Variants in NBPF10 observed in about 807,000 individuals in gnomAD.
The protein encoded by NBPF10 is NBPF member 10, also known as NBPF family member NBPF10.
Under a neutral mutation model 77.9 loss-of-function variants are expected in NBPF10, and 63 were observed. That is an observed-to-expected ratio of 0.81 (90% CI 0.66 to 1.00). The LOEUF (loss-of-function observed/expected upper bound fraction) is 1.00, where lower values mean the gene tolerates loss of function less well. Among genes scored for constraint, NBPF10 ranks in the 50% least tolerant of loss-of-function variants. The pLI is 0.00. For synonymous variants in NBPF10, 146 were observed against 264.5 expected (o/e 0.55, Z 4.35); for missense variants, 522 against 679.8 (o/e 0.77, Z 2.58).
At chr1:146,126,110 A>G (rs1482940646) in intron 14 of NBPF10, 126 bp downstream of exon 14, 2 of 707,544 alleles carry the variant, frequency 2.8e-6, no homozygotes, top group South Asian at 1.6e-5. Flanking sequence ...TTCAACCTAC[A>G]TGTGCCTATA....
rs781978556 is a variant in NBPF10 at position 146,069,637 on chromosome 1, T to A, written c.10716A>T (p.Ser3572=). Residue 3572 remains serine (S), a synonymous_variant, in exon 86 of 90, where the codon TCA becomes TCT. Coordinates refer to ENST00000583866, the Ensembl canonical transcript of NBPF10. ...ATGAGTCACACAGTTCAAGACAACCTGAAGGAGTTGAATAACATCTATCCA... is the reference window on the plus strand; with the variant it reads ...ATGAGTCACACAGTTCAAGACAACCAGAAGGAGTTGAATAACATCTATCCA... The A allele has an allele frequency of 3.7e-5, 58 of 1,553,422 alleles. No homozygotes were observed. The South Asian group carries it at 5.9e-4, about 16-fold the overall frequency.
intron 88 of NBPF10, 151 bp from the exon 89 acceptor site, chr1:146,067,439 G>T (rs1306646004): frequency 2.7e-6 from 1 of 369,312 alleles, no homozygotes; most frequent in Admixed American, 4.8e-5. Flanking sequence ...CTGAAGGCTG[G>T]TCATGATAGA....
chr1:146,139,265 ATTT>A (rs10533520), intron 5 of NBPF10, among the ~76,000 whole-genome samples: 34 of 139,940 alleles, frequency 2.4e-4, no homozygotes, highest in African/African-American at 7.5e-4. Context: ...ACGCCCAGCT[ATTT>A]TTTTTTTTTT....
At chr1:146,125,845 C>A (rs587628458) in intron 14 of NBPF10, among the ~76,000 whole-genome samples, 9 of 150,558 alleles carry the variant, frequency 6.0e-5, no homozygotes, top group African/African-American at 1.2e-4. Flanking sequence ...CTGCACTATT[C>A]AGCCCTGTCT....
rs782535792 is a variant in NBPF10 at position 146,135,412 on chromosome 1, G to A, written c.1201C>T (p.Leu401Phe). The A allele has an allele frequency of 9.2e-6, 12 of 1,302,206 alleles. 2 individuals are homozygous for A. The African/African-American group carries it at 9.4e-5, about 10-fold the overall frequency. 80.7% of individuals were successfully genotyped at this position (1,302,206 alleles called of 1,614,324 possible). Residue 401 changes from leucine to phenylalanine, a missense_variant, in exon 8 of 90, where the codon CTC becomes TTC. Transcript: ENST00000583866. Reference sequence around the variant, plus strand: ...TTGTCCGGCTCATACGGAGTGAGGAGGGCCTGGAGATGCTCATTCAATGAG... The same window carrying A: ...TTGTCCGGCTCATACGGAGTGAGGAAGGCCTGGAGATGCTCATTCAATGAG...
exon 86 of NBPF10, chr1:146,069,589 A>G: frequency 6.7e-7 from 1 of 1,501,308 alleles, no homozygotes; most frequent in South Asian, 1.1e-5. Context: ...CCAATACATA[A>G]AAGGCACTTC....
At chr1:146,067,890 C>A (rs1301112776) in intron 88 of NBPF10, 113 bp downstream of exon 88, 8 of 699,030 alleles carry the variant, frequency 1.1e-5, no homozygotes, top group South Asian at 6.0e-5. Context: ...GCCCATAGGT[C>A]CTGCCTGCGG....
chr1:146,091,637 CTCA>C lies in NBPF10; in HGVS notation c.7375+2_7375+4del. 2.2e-5 allele frequency: 1 copy of C among 46,458 alleles called. No homozygotes were observed. The highest frequency in any genetic ancestry group is 3.9e-5 in the Non-Finnish European group (1 of 25,698). The allele number at this position is 46,458 out of a possible 1,614,324, so 2.9% of individuals were successfully genotyped here. A position where few individuals can be genotyped will look rare whatever the true frequency, so the allele number is the denominator to read the frequency against. ...GGCTTATCACCTTCACAGTAAGGTACTCACTGTCCACGTCAAGAGCCAAGCCAA... is the reference window on the plus strand; with the variant it reads ...GGCTTATCACCTTCACAGTAAGGTACCTGTCCACGTCAAGAGCCAAGCCAA... On this transcript the variant is annotated splice_donor_variant and splice_donor_region_variant and intron_variant, in intron 58 of 89. Transcript: ENST00000583866. LOFTEE classifies it high-confidence loss of function.
At chr1:146,142,409 G>A (rs868932286) in intron 2 of NBPF10, among the ~76,000 whole-genome samples, 1,643 of 134,524 alleles carry the variant, frequency 0.012, 10 homozygotes, top group African/African-American at 0.039. Context: ...TTTGTGTTAT[G>A]TAAATTTCAC....
intron 13 of NBPF10, 127 bp from the exon 14 acceptor site, chr1:146,126,535 A>T (rs1276788007): frequency 8.4e-6 from 6 of 712,350 alleles, no homozygotes; most frequent in Non-Finnish European, 1.6e-5. Flanking sequence ...TAATGAGGTA[A>T]CAAATTATTG....
At chr1:146,139,253 C>A (rs1245920566) in intron 5 of NBPF10, among the ~76,000 whole-genome samples, 1 of 149,970 alleles carries the variant, frequency 6.7e-6, no homozygotes, top group East Asian at 1.9e-4. Context: ...GCGCCCACCA[C>A]CACGCCCAGC....
chr1:146,133,953 C>T lies in NBPF10; in HGVS notation c.1380-225G>A, dbSNP rs373859074. Among the ~76,000 whole-genome samples, 4 of 147,468 alleles carry T rather than the reference C, an allele frequency of 2.7e-5. No homozygotes were observed. In the East Asian group the frequency reaches 6.0e-4, roughly 22 times the overall value. On this transcript the variant is annotated intron_variant, in intron 9 of 89. Coordinates refer to ENST00000583866, the Ensembl canonical transcript of NBPF10. The stretch of plus-strand genomic sequence containing the variant: ...AGCAGCTGCTGTTCATTGCACTGGA[C>T]AGATAGGAGCTGAGGAGGATGAAGA...
At chr1:146,067,699 C>A (rs1341240156) in intron 88 of NBPF10, among the ~76,000 whole-genome samples, 1 of 149,486 alleles carries the variant, frequency 6.7e-6, no homozygotes, top group African/African-American at 2.5e-5. Context: ...AGGAAATCTA[C>A]AAACCCTTGA....
chr1:146,109,288 AGAAT>A (rs1307763143), intron 35 of NBPF10, among the ~76,000 whole-genome samples, 174 bp from the exon 36 acceptor site: 35 of 97,640 alleles, frequency 3.6e-4, no homozygotes, highest in African/African-American at 1.1e-3. Context: ...CAAATGGAAA[AGAAT>A]GAAAGAGAAA....
chr1:146,085,760 C>CAG (rs782111494), intron 65 of NBPF10, among the ~76,000 whole-genome samples: 14 of 5,138 alleles, frequency 2.7e-3, no homozygotes, highest in South Asian at 8.1e-3. Context: ...CACACACACA[C>CAG]AGAGAGAGAG....
At chr1:146,142,460 A>G (rs201166087) in intron 2 of NBPF10, among the ~76,000 whole-genome samples, 190 bp downstream of exon 2, 30 of 133,094 alleles carry the variant, frequency 2.3e-4, no homozygotes, top group African/African-American at 5.2e-4. Context: ...ACAAGGCTCT[A>G]AGAAACAACT....
chr1:146,126,596 GAC>G (rs56881979), intron 13 of NBPF10, among the ~76,000 whole-genome samples, 188 bp from the exon 14 acceptor site: 11,719 of 113,520 alleles, frequency 0.1, 1,245 homozygotes, highest in East Asian at 0.27. Flanking sequence ...GAACGAGAAA[GAC>G]ACACACACAC....
chr1:146,109,408 C>G (rs1231238502), intron 35 of NBPF10, among the ~76,000 whole-genome samples: 1 of 34,710 alleles, frequency 2.9e-5, no homozygotes, highest in Non-Finnish European at 6.7e-5. Context: ...GAGGGAGTAA[C>G]AGGACACTCT....
chr1:146,136,243 T>A (rs1659688821), intron 7 of NBPF10, 110 bp downstream of exon 7: 7 of 867,212 alleles, frequency 8.1e-6, no homozygotes, highest in Non-Finnish European at 1.3e-5. Context: ...GCCATGGCAA[T>A]TCCTGCCCTT....
Sources: allele counts gnomAD v4.1 joint callset (sites outside exome capture counted in the v4.1 genomes callset), GRCh38; gene constraint gnomAD v4.1.1; transcripts MANE v1.5; gene names NCBI Gene and HGNC (gene_info 2026-07-23, HGNC 2026-07-21).